HHAT: variants seen among roughly 807,000 people sequenced by gnomAD.
HHAT encodes the protein protein-cysteine N-palmitoyltransferase HHAT.
In HHAT, 47 loss-of-function variants were observed where a neutral mutation model predicts 70.8. The observed-to-expected ratio is 0.66, with a 90% CI of 0.53 to 0.85. The LOEUF (loss-of-function observed/expected upper bound fraction) is 0.85. Among genes scored for constraint, HHAT ranks in the 40% least tolerant of loss-of-function variants. The pLI is 0.00. For missense variants in HHAT, 609 were observed against 604.8 expected, an observed-to-expected ratio of 1.01 and a Z score of -0.07; for synonymous variants, 228 against 247.6, an observed-to-expected ratio of 0.92 and a Z score of 0.74.
rs935279728 is a variant in HHAT at position 210,466,977 on chromosome 1, T to G, written c.1007+2322T>G. The stretch of plus-strand genomic sequence containing the variant: ...TGAAAAGTTAATCTGAGGAGGAAGC[T>G]CTGGGGTGACCCCTTGGAATGATGT... On this transcript the variant is annotated intron_variant, in intron 8 of 11. Coordinates refer to ENST00000261458, the MANE Select transcript of HHAT (RefSeq NM_018194.6). 3.3e-5 allele frequency among the ~76,000 whole-genome samples: 5 copies of G among 152,186 alleles called. No homozygotes were observed. The South Asian group carries it at 1.0e-3, about 32-fold the overall frequency.
At chr1:210,483,927 TCA>T (rs796146609) in intron 8 of HHAT, among the ~76,000 whole-genome samples, 40 of 152,284 alleles carry the variant, frequency 2.6e-4, no homozygotes, top group African/African-American at 9.4e-4. Flanking sequence ...TGCTGTGAAT[TCA>T]CAATTCAGGG....
chr1:210,644,774 A>C (rs1260819935), intron 11 of HHAT, among the ~76,000 whole-genome samples: 1 of 152,100 alleles, frequency 6.6e-6, no homozygotes, highest in African/African-American at 2.4e-5. Flanking sequence ...AGAGTTATTT[A>C]ATTTTAATTC....
Position 210,348,935 on chromosome 1 carries a change from ACT to A in HHAT, c.-37_-36del. The A allele has an allele frequency of 6.2e-7, 1 of 1,604,092 alleles. No homozygotes were observed. The highest frequency in any genetic ancestry group is 8.5e-7 in the Non-Finnish European group (1 of 1,177,212). On this transcript the variant is annotated 5_prime_UTR_variant, in exon 2 of 12. Transcript: ENST00000261458. ...AAAGTTTTGTCTCTGTTTCTCAGAA[ACT>A]CTCAGCGTAGGCATCGGGAACCTTC... is the stretch of plus-strand genomic sequence containing the variant.
intron 9 of HHAT, among the ~76,000 whole-genome samples, chr1:210,555,400 G>A (rs990425418): frequency 2.0e-5 from 3 of 152,176 alleles, no homozygotes; most frequent in Non-Finnish European, 4.4e-5. Context: ...CTGGGGACAG[G>A]AAGAATTTTA....
intron 9 of HHAT, among the ~76,000 whole-genome samples, chr1:210,534,133 C>G (rs545008014): frequency 3.9e-3 from 595 of 152,306 alleles, no homozygotes; most frequent in Non-Finnish European, 6.8e-3. Context: ...CACCGCCCCA[C>G]CAAGTGTTCT....
intron 1 of HHAT, among the ~76,000 whole-genome samples, chr1:210,334,177 C>CTTTTTTTT (rs1342123521): frequency 0.01 from 352 of 34,508 alleles, 10 homozygotes; most frequent in African/African-American, 0.056. Flanking sequence ...TTTAGCGTGT[C>CTTTTTTTT]ATTTTTTTTT....
intron 9 of HHAT, among the ~76,000 whole-genome samples, chr1:210,571,420 G>T (rs980049291): frequency 5.9e-5 from 9 of 152,148 alleles, no homozygotes; most frequent in Non-Finnish European, 7.3e-5. Context: ...CATGGTCTTG[G>T]AAGGCAGGAC....
intron 6 of HHAT, among the ~76,000 whole-genome samples, chr1:210,414,014 A>T (rs1246642619): frequency 1.3e-5 from 2 of 152,194 alleles, no homozygotes; most frequent in African/African-American, 4.8e-5. Context: ...GCCGTAGTCC[A>T]TTTGAGCTGC....
At chr1:210,367,161 G>A (rs10489387) in intron 3 of HHAT, among the ~76,000 whole-genome samples, 122,683 of 152,208 alleles carry the variant, frequency 0.81, 50,089 homozygotes, top group African/African-American at 0.93. Context: ...ACTCTTTTGG[G>A]TGAAATCGTG....
At chr1:210,460,553 T>C (rs2093958353) in intron 7 of HHAT, among the ~76,000 whole-genome samples, 1 of 152,198 alleles carries the variant, frequency 6.6e-6, no homozygotes, top group South Asian at 2.1e-4. Flanking sequence ...CATTCCTAAT[T>C]TACATTCTTT....
intron 3 of HHAT, among the ~76,000 whole-genome samples, chr1:210,373,972 C>T (rs2089840497): frequency 6.6e-6 from 1 of 152,118 alleles, no homozygotes; most frequent in African/African-American, 2.4e-5. Context: ...CAGATGTCAC[C>T]AGGGAAAGTT....
chr1:210,409,621 AGGTG>A (rs2092457761), intron 6 of HHAT, among the ~76,000 whole-genome samples: 1 of 152,200 alleles, frequency 6.6e-6, no homozygotes, highest in Non-Finnish European at 1.5e-5. Flanking sequence ...TTAGTGGCCC[AGGTG>A]GCCCAGTTGA....
chr1:210,608,509 A>AT (rs1031488175), intron 10 of HHAT, among the ~76,000 whole-genome samples: 5 of 151,832 alleles, frequency 3.3e-5, no homozygotes, highest in African/African-American at 7.3e-5. Flanking sequence ...CTTTTCTGGC[A>AT]TTTTTTCAGA....
chr1:210,364,725 G>A (rs1365397468), intron 3 of HHAT, among the ~76,000 whole-genome samples: 1 of 152,202 alleles, frequency 6.6e-6, no homozygotes, highest in African/African-American at 2.4e-5. Flanking sequence ...CCAGCTGCTT[G>A]ACTCCCTGCA....
chr1:210,504,494 G>C lies in HHAT; in HGVS notation c.1008-8659G>C, dbSNP rs967190893. ...GTGGTAGAGCCAGAATCCAGATCTC[G>C]AATTTCTAATTCTACATTCAGTGCA... is the stretch of plus-strand genomic sequence containing the variant. On this transcript the variant is annotated intron_variant, in intron 8 of 11. Transcript: ENST00000261458. Among the ~76,000 whole-genome samples the C allele has an allele frequency of 2.0e-5, 3 of 152,174 alleles. No homozygotes were observed. In the East Asian group the frequency reaches 5.8e-4, roughly 29 times the overall value.
Position 210,675,704 on chromosome 1 carries a change from TTGA to T in HHAT, c.*1327_*1329del, listed in dbSNP as rs1445045305. The T allele has an allele frequency of 1.3e-5, 2 of 152,300 alleles. No homozygotes were observed. The highest frequency in any genetic ancestry group is 2.9e-5 in the Non-Finnish European group (2 of 68,068). 9.4% of individuals were successfully genotyped at this position (152,300 alleles called of 1,614,324 possible). A position where few individuals can be genotyped will look rare whatever the true frequency, so the allele number is the denominator to read the frequency against. On this transcript the variant is annotated 3_prime_UTR_variant, in exon 12 of 12. Transcript: ENST00000261458. ...GCTCCTAGAGTACAGGACCATTTTG[TTGA>T]TTGTCTTTCTTCATAGCTTCTCTGC...
chr1:210,482,718 T>C (rs1469314283), intron 8 of HHAT, among the ~76,000 whole-genome samples: 3 of 152,214 alleles, frequency 2.0e-5, no homozygotes, highest in Non-Finnish European at 2.9e-5. Flanking sequence ...GAATATACTT[T>C]AGGTAATGCA....
intron 3 of HHAT, among the ~76,000 whole-genome samples, chr1:210,377,156 C>T (rs1437051155): frequency 2.0e-5 from 3 of 152,102 alleles, no homozygotes; most frequent in African/African-American, 7.2e-5. Context: ...CTCACTTTGT[C>T]TTTTTGATAT....
At chr1:210,512,920 G>A (rs898113545) in intron 8 of HHAT, among the ~76,000 whole-genome samples, 1 of 152,034 alleles carries the variant, frequency 6.6e-6, no homozygotes, top group Admixed American at 6.6e-5. Flanking sequence ...TTTAATTGCC[G>A]GGCTCCTTCC....
Sources: gnomAD v4.1 joint callset for allele counts (sites outside exome capture counted in the v4.1 genomes callset) on GRCh38, gnomAD v4.1.1 for gene constraint, MANE v1.5 for transcripts, NCBI Gene and HGNC (gene_info 2026-07-23, HGNC 2026-07-21) for gene names.